TPCN1: variants seen among roughly 807,000 people sequenced by gnomAD.
The protein encoded by TPCN1 is two pore segment channel 1, also known as two pore channel protein 1.
Under a neutral mutation model 108.8 loss-of-function variants are expected in TPCN1, and 52 were observed. The ratio of observed to expected loss-of-function variants is 0.48; its 90% CI spans 0.38 to 0.60. The LOEUF is 0.60. Among genes scored for constraint, TPCN1 ranks in the 20% least tolerant of loss-of-function variants. The probability of loss-of-function intolerance (pLI) is 0.00; values close to 1 mark genes in which losing one functional copy is unlikely to be tolerated. For synonymous variants in TPCN1, 446 were observed against 433.7 expected, an observed-to-expected ratio of 1.03 and a Z score of -0.35; for missense variants, 806 against 1,072.8, an observed-to-expected ratio of 0.75 and a Z score of 3.47.
chr12:113,270,081 A>C (rs908160647), intron 7 of TPCN1, among the ~76,000 whole-genome samples: 3 of 152,148 alleles, frequency 2.0e-5, no homozygotes, highest in Non-Finnish European at 4.4e-5. Flanking sequence ...CTGTAATCCC[A>C]GCTGCTTCGG....
At chr12:113,253,628 T>C (rs1195040049) in intron 2 of TPCN1, among the ~76,000 whole-genome samples, 2 of 152,174 alleles carry the variant, frequency 1.3e-5, no homozygotes, top group Non-Finnish European at 2.9e-5. Context: ...TTGGGCTTCC[T>C]TACAAAATGG....
intron 2 of TPCN1, among the ~76,000 whole-genome samples, chr12:113,256,386 C>A (rs1044433248): frequency 2.6e-5 from 4 of 151,160 alleles, no homozygotes; most frequent in African/African-American, 9.7e-5. Flanking sequence ...GGATTAGGGA[C>A]AAAGAAATTG....
intron 15 of TPCN1, among the ~76,000 whole-genome samples, chr12:113,283,910 G>A (rs879913943): frequency 1.3e-5 from 2 of 152,184 alleles, no homozygotes; most frequent in Non-Finnish European, 2.9e-5. Context: ...CTGGGCTCAC[G>A]CAATCCACCT....
At chr12:113,236,945 A>G (rs1267897964) in intron 2 of TPCN1, among the ~76,000 whole-genome samples, 3 of 152,230 alleles carry the variant, frequency 2.0e-5, no homozygotes, top group Non-Finnish European at 2.9e-5. Flanking sequence ...GGTGGATGTC[A>G]GCCATTATAA....
chr12:113,295,075 A>G (rs1490147610), intron 27 of TPCN1, among the ~76,000 whole-genome samples: 1 of 152,122 alleles, frequency 6.6e-6, no homozygotes, highest in East Asian at 1.9e-4. Flanking sequence ...GAAGCGTTTG[A>G]CCTTGGGCAG....
intron 2 of TPCN1, among the ~76,000 whole-genome samples, chr12:113,229,923 C>G (rs924684927): frequency 1.4e-4 from 22 of 152,212 alleles, no homozygotes; most frequent in Non-Finnish European, 3.2e-4. Flanking sequence ...CTTGCGTGTT[C>G]TAGTGCCTTC....
intron 2 of TPCN1, among the ~76,000 whole-genome samples, chr12:113,251,659 G>A (rs545956892): frequency 3.6e-4 from 55 of 152,366 alleles, no homozygotes; most frequent in African/African-American, 1.1e-3. Context: ...CAGCCCGTGA[G>A]GCCCAGGCCA....
At chr12:113,225,849 C>T (rs910176154) in intron 1 of TPCN1, among the ~76,000 whole-genome samples, 2 of 151,856 alleles carry the variant, frequency 1.3e-5, no homozygotes, top group South Asian at 2.1e-4. Context: ...CCACTGTGCC[C>T]GGCCTAATTC....
intron 27 of TPCN1, among the ~76,000 whole-genome samples, 180 bp from the exon 28 acceptor site, chr12:113,295,779 TG>T (rs1956405068): frequency 6.6e-6 from 1 of 152,186 alleles, no homozygotes; most frequent in Non-Finnish European, 1.5e-5. Context: ...TTTTTGCCTC[TG>T]GGGCCACATT....
Position 113,280,181 on chromosome 12 carries a change from T to C in TPCN1, c.1328T>C (p.Phe443Ser). The change falls in exon 15 of 28, where the codon TTC becomes TCC. Residue 443 changes from phenylalanine to serine, a missense_variant. Coordinates refer to ENST00000335509, the MANE Select transcript of TPCN1 (RefSeq NM_017901.6). ...GINILVKSKA[F>S]QYFMYLVVAV... ...AATATCCTTGTGAAGTCCAAGGCCT[T>C]CCAGTATTTCATGTGTAAGTGTGAA... 2 of 1,608,732 alleles carry C rather than the reference T, an allele frequency of 1.2e-6. No individual in the cohort carries two copies. Among genetic ancestry groups the C allele is most frequent in the East Asian group, 2.2e-5 (1 of 44,812 alleles).
intron 2 of TPCN1, among the ~76,000 whole-genome samples, chr12:113,238,285 C>T (rs964893965): frequency 1.3e-5 from 2 of 152,176 alleles, no homozygotes; most frequent in African/African-American, 4.8e-5. Context: ...AAGCAGAGAG[C>T]ATCATGTTAC....
chr12:113,278,018 A>G (rs1206658375), intron 12 of TPCN1, among the ~76,000 whole-genome samples, 171 bp from the exon 13 acceptor site: 1 of 152,182 alleles, frequency 6.6e-6, no homozygotes, highest in South Asian at 2.1e-4. Flanking sequence ...GAGGAGATCC[A>G]AACGCTTGCA....
In TPCN1 at chr12:113,273,165, C is replaced by A; in HGVS notation, c.784-67C>A. 6.8e-7 allele frequency: 1 copy of A among 1,476,504 alleles called. No homozygotes were observed. Among genetic ancestry groups the A allele is most frequent in the Non-Finnish European group, 9.5e-7 (1 of 1,055,060 alleles). The allele number at this position is 1,476,504 out of a possible 1,614,324, so 91.5% of individuals were successfully genotyped here. On this transcript the variant is annotated intron_variant, in intron 8 of 27. Transcript: ENST00000335509. This position sits in a 1 kb window ranked among gnomAD's most constrained non-coding sequence, Gnocchi z 4.0. ...GCAGGGCATGCCAGGTGGCCCATCACAGCCTGTTCCTGATGGCCGTGTGCT... is the reference window on the plus strand; with the variant it reads ...GCAGGGCATGCCAGGTGGCCCATCAAAGCCTGTTCCTGATGGCCGTGTGCT...
At chr12:113,237,928 C>G (rs976847348) in intron 2 of TPCN1, among the ~76,000 whole-genome samples, 2 of 152,204 alleles carry the variant, frequency 1.3e-5, no homozygotes, top group Admixed American at 6.5e-5. Flanking sequence ...TCAGAAAGTA[C>G]GTTGAAGTTC....
chr12:113,250,717 G>A (rs1000437079), intron 2 of TPCN1, among the ~76,000 whole-genome samples: 1 of 152,184 alleles, frequency 6.6e-6, no homozygotes, highest in African/African-American at 2.4e-5. Context: ...CACTTTGGGA[G>A]GCCAAGGCAG....
At chr12:113,285,474 G>A (rs993752383) in intron 17 of TPCN1, among the ~76,000 whole-genome samples, 19 of 152,194 alleles carry the variant, frequency 1.2e-4, no homozygotes, top group African/African-American at 4.6e-4. Context: ...GGGCTCAAGG[G>A]ATCCCGAGTA....
At chr12:113,293,426 C>A (rs896146960) in intron 27 of TPCN1, 77 bp downstream of exon 27, 2 of 1,375,992 alleles carry the variant, frequency 1.5e-6, no homozygotes, top group Non-Finnish European at 2.1e-6. Flanking sequence ...GCTCTCTGGC[C>A]CTCTGAGTAG....
intron 14 of TPCN1, 94 bp downstream of exon 14, chr12:113,278,929 GGT>G (rs144760721): frequency 0.024 from 24,325 of 1,018,836 alleles, no homozygotes; most frequent in East Asian, 0.036. Flanking sequence ...GGTTCAGAGG[GGT>G]GTGTGTGTGT....
In TPCN1 at chr12:113,288,315, C is replaced by G. The variant is rs545310608; in HGVS notation, c.1706+81C>G. The G allele has an allele frequency of 3.1e-6, 5 of 1,593,188 alleles. No homozygotes were observed. Among genetic ancestry groups the G allele is most frequent in the Non-Finnish European group, 4.3e-6 (5 of 1,172,002 alleles). On this transcript the variant is annotated intron_variant, in intron 20 of 27. Transcript: ENST00000335509. This position sits in a 1 kb window ranked among gnomAD's most constrained non-coding sequence, Gnocchi z 4.8. Reference sequence around the variant, plus strand: ...GTGGGGGCGGGAGCCGAGTGGCAGTCGGGGGAAAGGAGTTCCACAAAGGAC... The same window carrying G: ...GTGGGGGCGGGAGCCGAGTGGCAGTGGGGGGAAAGGAGTTCCACAAAGGAC...
Sources: allele counts gnomAD v4.1 joint callset (sites outside exome capture counted in the v4.1 genomes callset), GRCh38; gene constraint gnomAD v4.1.1; non-coding constraint Gnocchi (gnomAD v3.1); transcripts MANE v1.5; gene names NCBI Gene and HGNC (gene_info 2026-07-23, HGNC 2026-07-21).